The following RASSF8 variants were observed in gnomAD, a reference collection of about 807,000 sequenced individuals.
RASSF8 encodes the protein Ras association domain family member 8.
A neutral mutation model predicts 48.5 loss-of-function variants in RASSF8; 22 were observed. The ratio of observed to expected loss-of-function variants is 0.45; its 90% confidence interval spans 0.32 to 0.65. The LOEUF (loss-of-function observed/expected upper bound fraction) is 0.65, where lower values mean the gene tolerates loss of function less well. RASSF8 is among the 30% of genes least tolerant of loss of function. The pLI is 0.03. For missense variants in RASSF8, 418 were observed against 489.2 expected (o/e 0.85, Z 1.37); for synonymous variants, 127 against 171.5 (o/e 0.74, Z 2.03).
At chr12:25,987,212 G>T (rs1406525385) in intron 1 of RASSF8, among the ~76,000 whole-genome samples, 2 of 152,278 alleles carry the variant, frequency 1.3e-5, no homozygotes, top group African/African-American at 4.8e-5. Flanking sequence ...GGGATTACAG[G>T]CATGAGCTAC....
chr12:26,063,942 G>T lies in RASSF8; in HGVS notation c.104-556G>T, dbSNP rs145292092. Among the ~76,000 whole-genome samples the T allele has an allele frequency of 1.8e-3, 273 of 152,224 alleles. 2 individuals are homozygous for T. The highest frequency in any genetic ancestry group is 6.3e-3 in the African/African-American group (262 of 41,536). On this transcript the variant is annotated intron_variant, in intron 3 of 5. Transcript: ENST00000689635. ...AGCACTCAGGTGGAGATGGAGAGGA[G>T]ACCTGGGCACCTCCTGTGGCTGAGT...
chr12:26,037,381 G>A (rs996233515), intron 2 of RASSF8, among the ~76,000 whole-genome samples: 1 of 151,966 alleles, frequency 6.6e-6, no homozygotes, highest in African/African-American at 2.4e-5. Context: ...AAAAGTAAAC[G>A]CTATACAAAT....
chr12:26,046,052 C>G (rs957003331), intron 2 of RASSF8, among the ~76,000 whole-genome samples: 1 of 152,168 alleles, frequency 6.6e-6, no homozygotes, highest in Non-Finnish European at 1.5e-5. Flanking sequence ...CAGACTGGAG[C>G]TCTATTCCTG....
At chr12:25,984,057 A>C (rs1029836832) in intron 1 of RASSF8, among the ~76,000 whole-genome samples, 1 of 152,048 alleles carries the variant, frequency 6.6e-6, no homozygotes, top group African/African-American at 2.4e-5. Flanking sequence ...GGATACAATC[A>C]TGTATTTATT....
intron 2 of RASSF8, among the ~76,000 whole-genome samples, chr12:26,006,531 C>T (rs902677270): frequency 4.6e-5 from 7 of 152,168 alleles, no homozygotes; most frequent in African/African-American, 1.4e-4. Context: ...ATGCTTGTCT[C>T]GCTCTAGACG....
At chr12:25,960,048 TA>T (rs371915951) in intron 1 of RASSF8, among the ~76,000 whole-genome samples, 1,663 of 147,204 alleles carry the variant, frequency 0.011, 31 homozygotes, top group African/African-American at 0.032. Context: ...AGCATTTCAT[TA>T]AAAAAAAAAA....
chr12:26,072,555 A>G lies in RASSF8; in HGVS notation c.*3737A>G, dbSNP rs1021160041. On this transcript the variant is annotated 3_prime_UTR_variant, in exon 6 of 6. Transcript: ENST00000689635. ...ATGGGGGGAGGGGAAAGATTAAAAA[A>G]TAGATTTACAGCCAGACATGGTGAT... 11 of 984,950 alleles carry G rather than the reference A, an allele frequency of 1.1e-5. No individual in the cohort carries two copies. In the African/African-American group the frequency reaches 1.9e-4, roughly 17 times the overall value. 61.0% of individuals were successfully genotyped at this position (984,950 alleles called of 1,614,324 possible). A position where few individuals can be genotyped will look rare whatever the true frequency, so the allele number is the denominator to read the frequency against.
rs569757988 is a variant in RASSF8, at chr12:26,056,014, G to A, written c.103+568G>A. Among the ~76,000 whole-genome samples the A allele has an allele frequency of 5.9e-5, 9 of 152,168 alleles. No homozygotes were observed. In the East Asian group the frequency reaches 7.7e-4, roughly 13 times the overall value. ...CAGCCTGGCAAACATGGTCAAACCC[G>A]TCTTTAATAAAACTACAAAAATTAG... On this transcript the variant is annotated intron_variant, in intron 3 of 5. Coordinates refer to ENST00000689635, the MANE Select transcript of RASSF8 (RefSeq NM_001394098.1).
chr12:25,995,979 CT>C (rs1392120836), intron 2 of RASSF8, among the ~76,000 whole-genome samples: 17 of 152,166 alleles, frequency 1.1e-4, no homozygotes, highest in Non-Finnish European at 2.5e-4. Context: ...TGATTTCCCC[CT>C]GAAATAAAAA....
chr12:26,047,117 T>A (rs574485511), intron 2 of RASSF8, among the ~76,000 whole-genome samples: 21 of 152,054 alleles, frequency 1.4e-4, no homozygotes, highest in Non-Finnish European at 2.9e-4. Flanking sequence ...CTCTGGAGGG[T>A]TGCAAAGTAG....
At chr12:25,994,273 ATT>A (rs539646043) in intron 1 of RASSF8, among the ~76,000 whole-genome samples, 6,589 of 39,716 alleles carry the variant, frequency 0.17, 169 homozygotes, top group South Asian at 0.22. Flanking sequence ...GTCTGGATAG[ATT>A]TTTAAAAAAA....
intron 2 of RASSF8, among the ~76,000 whole-genome samples, chr12:26,009,451 G>A (rs1342819828): frequency 3.3e-5 from 5 of 152,134 alleles, no homozygotes; most frequent in Non-Finnish European, 7.3e-5. Context: ...GGGTGGTGGC[G>A]GAGATGCTGG....
At chr12:26,019,507 A>G (rs914261577) in intron 2 of RASSF8, among the ~76,000 whole-genome samples, 1 of 152,032 alleles carries the variant, frequency 6.6e-6, no homozygotes, top group African/African-American at 2.4e-5. Flanking sequence ...CCCAGAACAG[A>G]CTAAATAACA....
intron 1 of RASSF8, among the ~76,000 whole-genome samples, chr12:25,964,954 A>G (rs1010461945): frequency 1.3e-5 from 2 of 151,834 alleles, no homozygotes; most frequent in Non-Finnish European, 2.9e-5. Context: ...TAATTTATAT[A>G]TTTTTTGAGA....
chr12:25,995,816 C>G (rs973050758), intron 2 of RASSF8, among the ~76,000 whole-genome samples: 6 of 152,190 alleles, frequency 3.9e-5, no homozygotes, highest in African/African-American at 7.2e-5. Flanking sequence ...AGGTAAATCA[C>G]TTATGAATAA....
intron 1 of RASSF8, among the ~76,000 whole-genome samples, chr12:25,961,850 T>G (rs1941243145): frequency 6.6e-6 from 1 of 152,158 alleles, no homozygotes; most frequent in Admixed American, 6.5e-5. Flanking sequence ...TCTCTTTTCT[T>G]CTATCAGCCC....
intron 3 of RASSF8, among the ~76,000 whole-genome samples, chr12:26,055,912 A>T (rs891426146): frequency 6.6e-6 from 1 of 152,226 alleles, no homozygotes; most frequent in African/African-American, 2.4e-5. Context: ...TTGGCTGGGC[A>T]TGGTGGCTCA....
intron 1 of RASSF8, among the ~76,000 whole-genome samples, chr12:25,965,056 C>A (rs898426812): frequency 6.7e-5 from 10 of 150,150 alleles, no homozygotes; most frequent in Admixed American, 1.3e-4. Flanking sequence ...CATTCTCCCG[C>A]CTCAGCCTCC....
chr12:26,057,203 A>G (rs1358532172), intron 3 of RASSF8, among the ~76,000 whole-genome samples: 6 of 151,986 alleles, frequency 3.9e-5, no homozygotes, highest in Non-Finnish European at 8.8e-5. Context: ...ACATATGTAT[A>G]TATGTGCCAT....
Sources: gnomAD v4.1 joint callset for allele counts (sites outside exome capture counted in the v4.1 genomes callset) on GRCh38, gnomAD v4.1.1 for gene constraint, MANE v1.5 for transcripts, NCBI Gene and HGNC (gene_info 2026-07-23, HGNC 2026-07-21) for gene names.